SMPDL3B: variants seen among roughly 807,000 people sequenced by gnomAD.
SMPDL3B encodes the protein acid sphingomyelinase-like phosphodiesterase 3b.
Under a neutral mutation model 37.9 loss-of-function variants are expected in SMPDL3B, and 31 were observed. The observed-to-expected ratio is 0.82, with a 90% CI of 0.61 to 1.10. The LOEUF (loss-of-function observed/expected upper bound fraction) is 1.10. Among genes scored for constraint, SMPDL3B ranks in the 50% least tolerant of loss-of-function variants. The pLI is 0.00. For missense variants in SMPDL3B, 525 were observed against 597.8 expected (o/e 0.88, Z 1.27); for synonymous variants, 235 against 242.6 (o/e 0.97, Z 0.29).
At chr1:27,942,186 C>G (rs1023024979) in intron 1 of SMPDL3B, 2 of 403,388 alleles carry the variant, frequency 5.0e-6, no homozygotes, top group African/African-American at 4.2e-5. Context: ...TGAGGGCTGA[C>G]GTCAAAGGGG....
chr1:27,941,604 G>A (rs1190114684), intron 1 of SMPDL3B: 1 of 152,616 alleles, frequency 6.6e-6, no homozygotes, highest in African/African-American at 2.4e-5. Context: ...AGTGCTCTGA[G>A]AAAAAGGAAG....
intron 1 of SMPDL3B, among the ~76,000 whole-genome samples, chr1:27,940,420 G>A (rs1275009100): frequency 1.4e-5 from 2 of 138,974 alleles, no homozygotes; most frequent in African/African-American, 5.3e-5. Context: ...ACCAAATGTG[G>A]AGTAACCACT....
At chr1:27,935,351 C>A in intron 1 of SMPDL3B, 107 bp downstream of exon 1, 2 of 829,762 alleles carry the variant, frequency 2.4e-6, no homozygotes, top group Non-Finnish European at 4.0e-6. Context: ...GATAGCAAGG[C>A]AGGAGCTAGG....
At chr1:27,956,384 C>T (rs930718808) in intron 7 of SMPDL3B, 211 of 1,279,598 alleles carry the variant, frequency 1.6e-4, no homozygotes, top group Non-Finnish European at 2.1e-4. Context: ...AAACTAATCT[C>T]CTATAGCACC....
At chr1:27,950,783 C>T (rs993233147) in intron 3 of SMPDL3B, among the ~76,000 whole-genome samples, 1 of 152,218 alleles carries the variant, frequency 6.6e-6, no homozygotes, top group Non-Finnish European at 1.5e-5. Flanking sequence ...GCATCCACCA[C>T]CATAGCCAGC....
chr1:27,956,630 C>A, intron 7 of SMPDL3B: 1 of 362,366 alleles, frequency 2.8e-6, no homozygotes, highest in Non-Finnish European at 3.9e-6. Context: ...CTTTATTTAT[C>A]CAACAAAATG....
rs761669117 is a variant in SMPDL3B at position 27,958,584 on chromosome 1, G to A, written c.1114G>A (p.Ala372Thr). 33 of 1,613,732 alleles carry A rather than the reference G, an allele frequency of 2.0e-5. 1 individual carries two copies. The Middle Eastern group carries it at 8.2e-4, about 40-fold the overall frequency. The change falls in exon 8 of 8, where the codon GCC becomes ACC. Residue 372 changes from alanine to threonine, a missense_variant. Coordinates refer to ENST00000373894, the MANE Select transcript of SMPDL3B (RefSeq NM_014474.4). The surrounding 1 kb of genome is among the most constrained non-coding windows in gnomAD (Gnocchi z 5.6). ...GGCCTATGGGGTGCCGGACGCCAGC[G>A]CCCACTCCATGCACACAGTGCTGGA... is the stretch of plus-strand genomic sequence containing the variant. ...TEAYGVPDAS[A>T]HSMHTVLDRI...
intron 4 of SMPDL3B, among the ~76,000 whole-genome samples, 165 bp from the exon 5 acceptor site, chr1:27,954,189 G>A (rs1224994708): frequency 2.6e-5 from 4 of 152,352 alleles, no homozygotes; most frequent in East Asian, 1.9e-4. Flanking sequence ...AATCCAGGCC[G>A]CCTGGCTCCA....
chr1:27,954,616 A>T, intron 5 of SMPDL3B, 90 bp downstream of exon 5: 1 of 1,264,450 alleles, frequency 7.9e-7, no homozygotes, highest in Non-Finnish European at 1.1e-6. Flanking sequence ...CCACCCAAAG[A>T]TGCCCATATC....
intron 1 of SMPDL3B, 88 bp downstream of exon 1, chr1:27,935,332 G>T (rs2090297903): frequency 2.0e-6 from 2 of 1,012,668 alleles, no homozygotes; most frequent in East Asian, 5.1e-5. Flanking sequence ...GCTTGAAGGT[G>T]CTTCTAAAGA....
At chr1:27,935,427 T>C (rs113205689) in intron 1 of SMPDL3B, among the ~76,000 whole-genome samples, 183 bp downstream of exon 1, 8 of 152,078 alleles carry the variant, frequency 5.3e-5, no homozygotes, top group African/African-American at 1.9e-4. Flanking sequence ...AGATTTTAAG[T>C]GGAGGCGCCA....
At chr1:27,942,851 G>A (rs2090372403) in intron 1 of SMPDL3B, among the ~76,000 whole-genome samples, 1 of 151,884 alleles carries the variant, frequency 6.6e-6, no homozygotes, top group Non-Finnish European at 1.5e-5. Flanking sequence ...CTGTAGAGAC[G>A]AAGTCTTGCT....
Position 27,955,667 on chromosome 1 carries a change from G to T in SMPDL3B, c.691-17G>T. ...GAGGGCATCTGTGAGCCTCTTCTGGGAACCCCTCCCTTGTAGGTGTACATT... is the reference window on the plus strand; with the variant it reads ...GAGGGCATCTGTGAGCCTCTTCTGGTAACCCCTCCCTTGTAGGTGTACATT... On this transcript the variant is annotated splice_polypyrimidine_tract_variant and intron_variant, in intron 5 of 7. Coordinates refer to ENST00000373894, the MANE Select transcript of SMPDL3B (RefSeq NM_014474.4). The T allele has an allele frequency of 6.2e-7, 1 of 1,604,596 alleles. No homozygotes were observed. Among genetic ancestry groups the T allele is most frequent in the Non-Finnish European group, 8.5e-7 (1 of 1,173,034 alleles).
intron 3 of SMPDL3B, among the ~76,000 whole-genome samples, chr1:27,950,487 G>A (rs970034787): frequency 6.6e-6 from 1 of 152,106 alleles, no homozygotes; most frequent in African/African-American, 2.4e-5. Context: ...AGAAGGTCTT[G>A]CTGTCACCCA....
rs760410391 is a variant in SMPDL3B at position 27,945,402 on chromosome 1, A to C, written c.232A>C (p.Met78Leu). The C allele has an allele frequency of 2.5e-6, 4 of 1,614,122 alleles. No homozygotes were observed. The South Asian group carries it at 4.4e-5, about 18-fold the overall frequency. ...WALINSSIYAMKEIEPEPDFI... is the reference protein window; with the variant it reads ...WALINSSIYALKEIEPEPDFI... ...CCTCATCAACTCCTCCATCTATGCC[A>C]TGAAGGAGATTGAGCCAGAGCCAGA... Residue 78 changes from methionine (M) to leucine (L), a missense_variant, in exon 2 of 8, where the codon ATG becomes CTG. Physicochemically the swap from Met to Leu is conservative, Grantham distance 15. Transcript: ENST00000373894. The surrounding 1 kb of genome is among the most constrained non-coding windows in gnomAD (Gnocchi z 4.0).
At chr1:27,937,007 T>C (rs11247728) in intron 1 of SMPDL3B, among the ~76,000 whole-genome samples, 99,576 of 151,906 alleles carry the variant, frequency 0.66, 33,972 homozygotes, top group South Asian at 0.8. Context: ...GGCGACAGAG[T>C]GAGGCTCCGT....
rs753246749 is a variant in SMPDL3B, at chr1:27,958,621, G to C, written c.1151G>C (p.Gly384Ala). 8 of 1,613,634 alleles carry C rather than the reference G, an allele frequency of 5.0e-6. No individual in the cohort carries two copies. The East Asian group carries it at 1.8e-4, about 36-fold the overall frequency. The change falls in exon 8 of 8, where the codon GGC (glycine) becomes GCC (alanine). Residue 384 changes from glycine to alanine, a missense_variant. Coordinates refer to ENST00000373894, the MANE Select transcript of SMPDL3B (RefSeq NM_014474.4). The surrounding 1 kb of genome is among the most constrained non-coding windows in gnomAD (Gnocchi z 5.6). ...CACACAGTGCTGGACCGCATCGCTGGCGACCAGAGCACACTGCAGCGCTAC... is the reference window on the plus strand; with the variant it reads ...CACACAGTGCTGGACCGCATCGCTGCCGACCAGAGCACACTGCAGCGCTAC... ...SMHTVLDRIA[G>A]DQSTLQRYYV...
chr1:27,947,578 A>C (rs1324547332), intron 2 of SMPDL3B, among the ~76,000 whole-genome samples: 16 of 139,864 alleles, frequency 1.1e-4, no homozygotes, highest in Admixed American at 4.3e-4. Context: ...AAATTGCGCC[A>C]CTGCACTCCA....
chr1:27,948,781 C>T (rs1165324323), intron 2 of SMPDL3B, among the ~76,000 whole-genome samples: 1 of 152,212 alleles, frequency 6.6e-6, no homozygotes, highest in Admixed American at 6.5e-5. Flanking sequence ...GGATACCTAA[C>T]AAACACTCTG....
Sources: allele counts gnomAD v4.1 joint callset (sites outside exome capture counted in the v4.1 genomes callset), GRCh38; gene constraint gnomAD v4.1.1; non-coding constraint Gnocchi (gnomAD v3.1); transcripts MANE v1.5; gene names NCBI Gene and HGNC (gene_info 2026-07-23, HGNC 2026-07-21).